Variants in LRRC63 observed in about 807,000 individuals in gnomAD.
LRRC63 encodes leucine rich repeat containing 63.
LRRC63 carries 40 observed loss-of-function variants against 49.5 expected under a neutral mutation model. That is an observed-to-expected ratio of 0.81 (90% CI 0.63 to 1.05). LRRC63 has a LOEUF of 1.05. Ranked by LOEUF, LRRC63 falls within the 50% of genes least tolerant of loss-of-function variation. LRRC63 has a pLI of 0.00. For synonymous variants in LRRC63, 191 were observed against 221.1 expected (o/e 0.86, Z 1.21); for missense variants, 636 against 663.1 (o/e 0.96, Z 0.45).
intron 2 of LRRC63, among the ~76,000 whole-genome samples, chr13:46,214,305 C>A (rs1289794739): frequency 6.6e-6 from 1 of 152,198 alleles, no homozygotes; most frequent in Non-Finnish European, 1.5e-5. Context: ...ACCTGTAATA[C>A]TGCCACAATT....
At chr13:46,267,686 A>T (rs756926234) in intron 9 of LRRC63, among the ~76,000 whole-genome samples, 1 of 152,224 alleles carries the variant, frequency 6.6e-6, no homozygotes, top group Non-Finnish European at 1.5e-5. Flanking sequence ...AAATCTACCA[A>T]CGAAAAAGGA....
At chr13:46,236,644 C>A (rs2046913172) in intron 5 of LRRC63, among the ~76,000 whole-genome samples, 1 of 152,078 alleles carries the variant, frequency 6.6e-6, no homozygotes, top group African/African-American at 2.4e-5. Flanking sequence ...GCATTTGTTG[C>A]CAGTACACCT....
chr13:46,276,828 G>GTGTA (rs1175818781), exon 10 of LRRC63: 1 of 137,180 alleles, frequency 7.3e-6, no homozygotes, highest in Non-Finnish European at 1.3e-5. Context: ...GTATGTGTGT[G>GTGTA]TATATATATA....
intron 7 of LRRC63, among the ~76,000 whole-genome samples, chr13:46,254,592 G>A (rs1053792801): frequency 1.3e-5 from 2 of 152,206 alleles, no homozygotes; most frequent in African/African-American, 4.8e-5. Flanking sequence ...TAATGCATCA[G>A]TTGAGAGAGG....
intron 8 of LRRC63, among the ~76,000 whole-genome samples, chr13:46,265,108 C>T (rs1019013386): frequency 1.3e-4 from 19 of 151,894 alleles, no homozygotes; most frequent in African/African-American, 3.9e-4. Context: ...TGCAGTGAGC[C>T]GAGATCAGGC....
At chr13:46,268,681 A>G (rs1244222531) in intron 9 of LRRC63, among the ~76,000 whole-genome samples, 1 of 151,720 alleles carries the variant, frequency 6.6e-6, no homozygotes, top group Non-Finnish European at 1.5e-5. Context: ...AACAGAATTT[A>G]CTCACAATAA....
chr13:46,248,011 T>C (rs775794559), intron 6 of LRRC63, among the ~76,000 whole-genome samples: 7 of 152,038 alleles, frequency 4.6e-5, no homozygotes, highest in Non-Finnish European at 7.4e-5. Context: ...GAATTGAATA[T>C]GTATGAAGAA....
chr13:46,228,915 G>A (rs1439578020), intron 4 of LRRC63, among the ~76,000 whole-genome samples, 182 bp downstream of exon 4: 1 of 151,962 alleles, frequency 6.6e-6, no homozygotes, highest in African/African-American at 2.4e-5. Context: ...TATTGACTAT[G>A]AACCAAATAT....
chr13:46,235,260 A>C (rs532454746), intron 5 of LRRC63, among the ~76,000 whole-genome samples: 1 of 152,172 alleles, frequency 6.6e-6, no homozygotes. Flanking sequence ...TCTGTTGTGT[A>C]AGGAAATCAT....
chr13:46,225,112 G>A (rs2046531498), intron 2 of LRRC63, among the ~76,000 whole-genome samples: 2 of 152,206 alleles, frequency 1.3e-5, no homozygotes, highest in South Asian at 4.1e-4. Flanking sequence ...ATTGTGCTAT[G>A]GGTCATGGCA....
chr13:46,213,252 T>A, intron 2 of LRRC63, 133 bp downstream of exon 2: 1 of 612,980 alleles, frequency 1.6e-6, no homozygotes, highest in Non-Finnish European at 2.8e-6. Context: ...GGTGATAACA[T>A]CCAATTCAAT....
intron 7 of LRRC63, among the ~76,000 whole-genome samples, chr13:46,257,357 C>T (rs1182164385): frequency 6.6e-6 from 1 of 152,024 alleles, no homozygotes; most frequent in Non-Finnish European, 1.5e-5. Flanking sequence ...GAGACCTTTG[C>T]AGACTTCTGA....
intron 2 of LRRC63, among the ~76,000 whole-genome samples, chr13:46,217,756 T>A (rs925933548): frequency 4.6e-5 from 7 of 152,318 alleles, no homozygotes; most frequent in Middle Eastern, 3.4e-3. Flanking sequence ...TGCTATAAAT[T>A]TCCCTCTACA....
At chr13:46,247,487 G>A (rs2047246878) in intron 6 of LRRC63, among the ~76,000 whole-genome samples, 1 of 152,148 alleles carries the variant, frequency 6.6e-6, no homozygotes, top group Non-Finnish European at 1.5e-5. Context: ...AAAAATAAAT[G>A]TGTGAAGACA....
At chr13:46,254,087 C>T (rs1239199198) in intron 7 of LRRC63, among the ~76,000 whole-genome samples, 3 of 152,000 alleles carry the variant, frequency 2.0e-5, no homozygotes, top group Non-Finnish European at 2.9e-5. Flanking sequence ...CCAACAGTGT[C>T]AAATACAACA....
chr13:46,231,840 G>A (rs562972010), intron 4 of LRRC63, among the ~76,000 whole-genome samples: 2 of 113,258 alleles, frequency 1.8e-5, no homozygotes, highest in South Asian at 5.7e-4. Flanking sequence ...TTTTGAGACA[G>A]AGTCTCGCTC....
chr13:46,261,856 C>A, intron 7 of LRRC63, 53 bp from the exon 8 acceptor site: 1 of 526,840 alleles, frequency 1.9e-6, no homozygotes, highest in Non-Finnish European at 3.0e-6. Flanking sequence ...CTTATTTATT[C>A]CCAGTGGTGA....
intron 6 of LRRC63, among the ~76,000 whole-genome samples, chr13:46,248,457 A>G (rs1450787860): frequency 2.6e-5 from 4 of 152,086 alleles, no homozygotes; most frequent in Non-Finnish European, 4.4e-5. Flanking sequence ...ATGAGAAAAT[A>G]TATATCATGC....
exon 1 of LRRC63, chr13:46,212,232 A>C (rs2138325812): frequency 6.6e-6 from 1 of 152,324 alleles, no homozygotes; most frequent in Middle Eastern, 3.4e-3. Flanking sequence ...GTACACCTTG[A>C]GCGCTTGTGT....
Sources: gnomAD v4.1 joint callset for allele counts (sites outside exome capture counted in the v4.1 genomes callset) on GRCh38, gnomAD v4.1.1 for gene constraint, MANE v1.5 for transcripts, NCBI Gene and HGNC (gene_info 2026-07-23, HGNC 2026-07-21) for gene names.